RAB1A: variants seen among roughly 807,000 people sequenced by gnomAD.
RAB1A encodes the protein RAB1A, member RAS oncogene family.
Under a neutral mutation model 26.0 loss-of-function variants are expected in RAB1A, and 2 were observed. The ratio of observed to expected loss-of-function variants is 0.08; its 90% CI spans 0.03 to 0.24. The LOEUF (loss-of-function observed/expected upper bound fraction) is 0.24, where lower values mean the gene tolerates loss of function less well. Ranked by LOEUF, RAB1A falls within the 10% of genes least tolerant of loss-of-function variation. The pLI is 1.00. For missense variants in RAB1A, 100 were observed against 247.0 expected (o/e 0.40, Z 3.99); for synonymous variants, 84 against 84.9 (o/e 0.99, Z 0.06).
In RAB1A at chr2:65,104,867, C is replaced by A. The variant is rs750206935; in HGVS notation, c.24-61G>T. 11 of 1,242,070 alleles carry A rather than the reference C, an allele frequency of 8.9e-6. No homozygotes were observed. In the South Asian group the frequency reaches 1.2e-4, roughly 14 times the overall value. The allele number at this position is 1,242,070 out of a possible 1,614,324, so 76.9% of individuals were successfully genotyped here. A position where few individuals can be genotyped will look rare whatever the true frequency, so the allele number is the denominator to read the frequency against. On this transcript the variant is annotated intron_variant, in intron 1 of 5. Coordinates refer to ENST00000409784, the MANE Select transcript of RAB1A (RefSeq NM_004161.5). ...GCACACTGCATTGCTATAAGCTATA[C>A]AAAAACAAAAACACAGCTACAAATA...
intron 1 of RAB1A, among the ~76,000 whole-genome samples, chr2:65,109,103 GTTTA>G (rs1669633555): frequency 6.6e-6 from 1 of 152,268 alleles, no homozygotes; most frequent in South Asian, 2.1e-4. Context: ...TACAGAAGTA[GTTTA>G]TTTCTCAACT....
At chr2:65,104,951 T>C (rs1441192337) in intron 1 of RAB1A, 145 bp from the exon 2 acceptor site, 1 of 773,442 alleles carries the variant, frequency 1.3e-6, no homozygotes, top group Admixed American at 1.8e-5. Flanking sequence ...AAGCCAAAAC[T>C]GCAAACAGCC....
chr2:65,125,423 CTTT>C (rs35048150), intron 1 of RAB1A, among the ~76,000 whole-genome samples: 2 of 127,268 alleles, frequency 1.6e-5, no homozygotes, highest in Non-Finnish European at 1.7e-5. Flanking sequence ...GTATTTCTTT[CTTT>C]TTTTTTTTTT....
intron 4 of RAB1A, 74 bp downstream of exon 4, chr2:65,090,909 T>C (rs1669158185): frequency 2.1e-6 from 2 of 974,482 alleles, no homozygotes; most frequent in Admixed American, 5.4e-5. Flanking sequence ...TATGAAGTAG[T>C]AAATGAATCT....
At chr2:65,116,841 C>A (rs1669838769) in intron 1 of RAB1A, among the ~76,000 whole-genome samples, 1 of 152,206 alleles carries the variant, frequency 6.6e-6, no homozygotes. Context: ...ACATGCTCTG[C>A]AGCAAGTGTG....
intron 1 of RAB1A, among the ~76,000 whole-genome samples, chr2:65,124,244 A>G (rs978347646): frequency 1.3e-5 from 2 of 152,084 alleles, no homozygotes; most frequent in South Asian, 2.1e-4. Context: ...TCGGCCTCCC[A>G]AACTGCTATT....
chr2:65,128,036 T>C (rs1166484343), intron 1 of RAB1A, among the ~76,000 whole-genome samples: 1 of 152,150 alleles, frequency 6.6e-6, no homozygotes, highest in Non-Finnish European at 1.5e-5. Context: ...GCCTGGCCTA[T>C]ATCTAAACTT....
intron 1 of RAB1A, among the ~76,000 whole-genome samples, chr2:65,108,644 T>G (rs1669620349): frequency 6.6e-6 from 1 of 151,536 alleles, no homozygotes; most frequent in Non-Finnish European, 1.5e-5. Flanking sequence ...CCGTCTTTAC[T>G]AAAAATACAA....
intron 1 of RAB1A, among the ~76,000 whole-genome samples, chr2:65,119,292 G>A (rs573554168): frequency 6.6e-6 from 1 of 152,196 alleles, no homozygotes; most frequent in Admixed American, 6.5e-5. Context: ...GATCACCTGA[G>A]GTCAGGAGTT....
At chr2:65,090,327 C>T (rs533935165) in intron 4 of RAB1A, among the ~76,000 whole-genome samples, 2 of 152,224 alleles carry the variant, frequency 1.3e-5, no homozygotes, top group Admixed American at 6.5e-5. Flanking sequence ...CAATTTTGAA[C>T]GTTTATCTTT....
At chr2:65,114,332 A>G (rs1669773970) in intron 1 of RAB1A, among the ~76,000 whole-genome samples, 1 of 152,240 alleles carries the variant, frequency 6.6e-6, no homozygotes, top group South Asian at 2.1e-4. Context: ...GTATAATTGT[A>G]TTTGTACAAA....
chr2:65,103,512 C>T (rs183217653), intron 2 of RAB1A, among the ~76,000 whole-genome samples: 47 of 152,234 alleles, frequency 3.1e-4, no homozygotes, highest in African/African-American at 9.6e-4. Flanking sequence ...TGGAGCTTAG[C>T]GCTGCCTTGA....
At chr2:65,121,094 A>C (rs148859299) in intron 1 of RAB1A, among the ~76,000 whole-genome samples, 1 of 152,056 alleles carries the variant, frequency 6.6e-6, no homozygotes, top group East Asian at 1.9e-4. Flanking sequence ...CATCTCTTAA[A>C]AAAAAATTAG....
In RAB1A at chr2:65,107,116, A is replaced by C. The variant is rs150365563; in HGVS notation, c.24-2310T>G. 7.6e-3 allele frequency among the ~76,000 whole-genome samples: 1,146 copies of C among 151,520 alleles called. 12 individuals are homozygous for C. The highest frequency in any genetic ancestry group is 0.026 in the African/African-American group (1,087 of 41,244). ...AGTCTCGCTCTGTTGCCCAGGCTGG[A>C]GTGCAGTGAAGCAATCTCAGGTCAC... On this transcript the variant is annotated intron_variant, in intron 1 of 5. Coordinates refer to ENST00000409784, the MANE Select transcript of RAB1A (RefSeq NM_004161.5).
chr2:65,110,501 A>G (rs1489197758), intron 1 of RAB1A, among the ~76,000 whole-genome samples: 1 of 152,098 alleles, frequency 6.6e-6, no homozygotes, highest in Non-Finnish European at 1.5e-5. Context: ...TTAAGTACGT[A>G]TTAGATTATA....
At chr2:65,118,172 T>C (rs1318550094) in intron 1 of RAB1A, among the ~76,000 whole-genome samples, 1 of 152,200 alleles carries the variant, frequency 6.6e-6, no homozygotes, top group Non-Finnish European at 1.5e-5. Flanking sequence ...GGAGTCCTTC[T>C]GGGAGCTCTG....
chr2:65,112,225 A>C (rs1669716481), intron 1 of RAB1A, among the ~76,000 whole-genome samples: 1 of 149,276 alleles, frequency 6.7e-6, no homozygotes, highest in Non-Finnish European at 1.5e-5. Flanking sequence ...AGCTCACTGC[A>C]ACCTCCACCT....
At chr2:65,103,434 A>G (rs1277084705) in intron 2 of RAB1A, among the ~76,000 whole-genome samples, 1 of 152,214 alleles carries the variant, frequency 6.6e-6, no homozygotes, top group Non-Finnish European at 1.5e-5. Flanking sequence ...TTCAATAAAA[A>G]TGGCACGGCT....
chr2:65,115,746 TA>T (rs1231811403), intron 1 of RAB1A, among the ~76,000 whole-genome samples: 2 of 152,058 alleles, frequency 1.3e-5, no homozygotes, highest in South Asian at 2.1e-4. Context: ...TGAACCATCT[TA>T]AAAAAAATTG....
Sources: gnomAD v4.1 joint callset for allele counts (sites outside exome capture counted in the v4.1 genomes callset) on GRCh38, gnomAD v4.1.1 for gene constraint, MANE v1.5 for transcripts, NCBI Gene and HGNC (gene_info 2026-07-23, HGNC 2026-07-21) for gene names.